Variants in SORCS1 observed in about 807,000 individuals in gnomAD.
The protein encoded by SORCS1 is VPS10 domain-containing receptor SorCS1.
SORCS1 carries 60 observed loss-of-function variants against 146.1 expected under a neutral mutation model. That is an observed-to-expected ratio of 0.41 (90% CI 0.33 to 0.51). The LOEUF (loss-of-function observed/expected upper bound fraction) is 0.51, where lower values mean the gene tolerates loss of function less well. Ranked by LOEUF, SORCS1 falls within the 20% of genes least tolerant of loss-of-function variation. The pLI is 0.21. For missense variants in SORCS1, 1,352 were observed against 1,487.6 expected (o/e 0.91, Z 1.50); for synonymous variants, 637 against 584.0 (o/e 1.09, Z -1.31).
At chr10:106,738,443 T>C (rs1446026867) in intron 5 of SORCS1, among the ~76,000 whole-genome samples, 1 of 152,126 alleles carries the variant, frequency 6.6e-6, no homozygotes, top group Non-Finnish European at 1.5e-5. Flanking sequence ...AGACACCATC[T>C]TAGTGAGAGG....
intron 2 of SORCS1, among the ~76,000 whole-genome samples, chr10:106,869,696 A>T (rs2137555991): frequency 6.6e-6 from 1 of 152,338 alleles, no homozygotes; most frequent in Admixed American, 6.5e-5. Flanking sequence ...ATACCTCAAA[A>T]TAATAGGAGC....
At chr10:106,577,584 T>A in intron 25 of SORCS1, 29 bp from the exon 26 acceptor site, 1 of 1,609,392 alleles carries the variant, frequency 6.2e-7, no homozygotes. Context: ...CACTTACTCA[T>A]TTAATGACAC....
intron 1 of SORCS1, among the ~76,000 whole-genome samples, chr10:107,039,195 G>A (rs902371592): frequency 2.0e-5 from 3 of 151,628 alleles, no homozygotes; most frequent in Admixed American, 2.0e-4. Context: ...GGGCGTAGTG[G>A]CGGGCGCCTG....
chr10:106,833,231 T>C (rs1185507103), intron 2 of SORCS1, among the ~76,000 whole-genome samples: 1 of 152,224 alleles, frequency 6.6e-6, no homozygotes, highest in Middle Eastern at 3.2e-3. Flanking sequence ...TTTCTTGATT[T>C]TACAAAGCTC....
chr10:106,981,535 A>T (rs1355084756), intron 1 of SORCS1, among the ~76,000 whole-genome samples: 3 of 152,212 alleles, frequency 2.0e-5, no homozygotes, highest in East Asian at 1.9e-4. Flanking sequence ...ATAAAGATGC[A>T]GATTATCTTT....
chr10:106,685,993 ATGT>A (rs764722316), intron 10 of SORCS1, among the ~76,000 whole-genome samples: 9 of 152,314 alleles, frequency 5.9e-5, no homozygotes, highest in Admixed American at 5.2e-4. Context: ...GGCAATGGAA[ATGT>A]TGTCTTGATT....
At chr10:106,811,100 C>T (rs773514309) in intron 3 of SORCS1, among the ~76,000 whole-genome samples, 1 of 151,866 alleles carries the variant, frequency 6.6e-6, no homozygotes, top group African/African-American at 2.4e-5. Context: ...CCACCACATC[C>T]GGCTAATTTT....
chr10:107,004,527 C>A (rs1188531657), intron 1 of SORCS1, among the ~76,000 whole-genome samples: 1 of 152,094 alleles, frequency 6.6e-6, no homozygotes, highest in Non-Finnish European at 1.5e-5. Context: ...GAGACTTATT[C>A]ATACTGTTCT....
At chr10:106,686,124 C>T (rs1852812254) in intron 10 of SORCS1, among the ~76,000 whole-genome samples, 1 of 151,878 alleles carries the variant, frequency 6.6e-6, no homozygotes, top group South Asian at 2.1e-4. Flanking sequence ...AAAAATGGTC[C>T]CATTGGCTGC....
chr10:106,989,453 G>C (rs1956652564), intron 1 of SORCS1, among the ~76,000 whole-genome samples: 1 of 151,768 alleles, frequency 6.6e-6, no homozygotes, highest in East Asian at 1.9e-4. Flanking sequence ...AGCATGATCT[G>C]TTCCTTGTTT....
At chr10:107,116,114 T>C (rs2134495759) in intron 1 of SORCS1, among the ~76,000 whole-genome samples, 1 of 149,862 alleles carries the variant, frequency 6.7e-6, no homozygotes, top group African/African-American at 2.5e-5. Flanking sequence ...AGACAAAAGG[T>C]AATTATTGGT....
chr10:106,955,927 A>C, intron 2 of SORCS1, among the ~76,000 whole-genome samples: 1 of 152,188 alleles, frequency 6.6e-6, no homozygotes, highest in East Asian at 1.9e-4. Context: ...TGGAAGTTCA[A>C]GATCAGCCTG....
At chr10:107,110,739 G>A (rs138545672) in intron 1 of SORCS1, among the ~76,000 whole-genome samples, 27 of 151,536 alleles carry the variant, frequency 1.8e-4, no homozygotes, top group Non-Finnish European at 2.4e-4. Flanking sequence ...AGCCATGGCT[G>A]GGGTCAGGAC....
intron 21 of SORCS1, among the ~76,000 whole-genome samples, chr10:106,617,416 G>T (rs4918240): frequency 0.98 from 148,549 of 152,288 alleles, 72,543 homozygotes; most frequent in East Asian, 1. Context: ...AAACATTTTT[G>T]CCATGTACTA....
intron 1 of SORCS1, among the ~76,000 whole-genome samples, chr10:107,123,077 CAAAAA>C (rs35115429): frequency 3.8e-5 from 3 of 79,132 alleles, no homozygotes; most frequent in Admixed American, 1.4e-4. Flanking sequence ...GACAAACTGG[CAAAAA>C]AAAAAAAAAA....
At chr10:106,838,859 A>G in intron 2 of SORCS1, among the ~76,000 whole-genome samples, 1 of 152,144 alleles carries the variant, frequency 6.6e-6, no homozygotes, top group East Asian at 1.9e-4. Context: ...TTCCATTATT[A>G]TCGTATCTGT....
intron 1 of SORCS1, among the ~76,000 whole-genome samples, chr10:107,139,564 C>T (rs1967623916): frequency 6.6e-6 from 1 of 152,130 alleles, no homozygotes; most frequent in East Asian, 1.9e-4. Context: ...AAAAAACAGA[C>T]AGCAGATTCT....
intron 1 of SORCS1, among the ~76,000 whole-genome samples, chr10:107,116,658 A>T (rs1211884261): frequency 2.6e-5 from 4 of 152,182 alleles, no homozygotes; most frequent in African/African-American, 9.7e-5. Flanking sequence ...GATGCAAGAA[A>T]GTGGGAAATG....
chr10:106,667,444 T>A (rs1235688828), intron 17 of SORCS1: 6 of 452,868 alleles, frequency 1.3e-5, no homozygotes, highest in Non-Finnish European at 2.4e-5. Flanking sequence ...ACTTTTAATA[T>A]CATCATTGTG....
Sources: allele counts gnomAD v4.1 joint callset (sites outside exome capture counted in the v4.1 genomes callset), GRCh38; gene constraint gnomAD v4.1.1; transcripts MANE v1.5; gene names NCBI Gene and HGNC (gene_info 2026-07-23, HGNC 2026-07-21).